Variants in DNER observed in about 807,000 individuals in gnomAD.
DNER encodes the protein delta and Notch-like epidermal growth factor-related receptor.
Under a neutral mutation model 78.2 loss-of-function variants are expected in DNER, and 33 were observed. The observed-to-expected ratio is 0.42, with a 90% CI of 0.32 to 0.56. The LOEUF (loss-of-function observed/expected upper bound fraction) is 0.56. DNER is among the 20% of genes least tolerant of loss of function. The pLI is 0.11. For synonymous variants in DNER, 417 were observed against 384.8 expected, an observed-to-expected ratio of 1.08 and a Z score of -0.98; for missense variants, 918 against 975.3, an observed-to-expected ratio of 0.94 and a Z score of 0.78.
At chr2:229,649,154 C>T (rs1367852819) in intron 1 of DNER, among the ~76,000 whole-genome samples, 1 of 152,238 alleles carries the variant, frequency 6.6e-6, no homozygotes, top group Non-Finnish European at 1.5e-5. Context: ...TTGGCGAGTA[C>T]TCTCGGCTCT....
intron 11 of DNER, among the ~76,000 whole-genome samples, chr2:229,377,892 T>C (rs1692643275): frequency 6.6e-6 from 1 of 152,152 alleles, no homozygotes; most frequent in Non-Finnish European, 1.5e-5. Context: ...ATCAATACAT[T>C]ATATGGCAAA....
chr2:229,367,080 G>T lies in DNER; in HGVS notation c.1895C>A (p.Thr632Asn), dbSNP rs776762113. ...WKSGHMAESL[T>N]NMPRHSLYII... ...GTAGAGGGAGTGCCGTGGCATGTTG[G>T]TGAGGCTCTCCGCCATGTGCCCGGA... is the stretch of plus-strand genomic sequence containing the variant. Residue 632 changes from threonine to asparagine, a missense_variant, in exon 12 of 13, where the codon ACC (threonine) becomes AAC (asparagine). Transcript: ENST00000341772. 1.2e-6 allele frequency: 2 copies of T among 1,614,128 alleles called. No homozygotes were observed. The highest frequency in any genetic ancestry group is 2.7e-5 in the African/African-American group (2 of 75,040).
intron 8 of DNER, among the ~76,000 whole-genome samples, chr2:229,421,601 T>G (rs1032485027): frequency 1.3e-5 from 2 of 149,776 alleles, no homozygotes; most frequent in South Asian, 2.1e-4. Context: ...AAAAAATATA[T>G]ATAGTGGTAA....
intron 1 of DNER, among the ~76,000 whole-genome samples, chr2:229,707,912 G>A (rs2154217837): frequency 6.6e-6 from 1 of 152,314 alleles, no homozygotes. Context: ...CAGGCACTGG[G>A]CTAGACACTT....
At chr2:229,568,921 A>G (rs1475889298) in intron 4 of DNER, among the ~76,000 whole-genome samples, 4 of 152,172 alleles carry the variant, frequency 2.6e-5, no homozygotes, top group Non-Finnish European at 4.4e-5. Flanking sequence ...CTTGTAAATG[A>G]CCTATGTGCA....
chr2:229,480,229 T>G (rs1415579106), intron 6 of DNER, among the ~76,000 whole-genome samples: 2 of 152,238 alleles, frequency 1.3e-5, no homozygotes, highest in Non-Finnish European at 2.9e-5. Context: ...CCAACCATTA[T>G]TAGCATTTTG....
intron 11 of DNER, among the ~76,000 whole-genome samples, chr2:229,376,786 T>A (rs1171853540): frequency 6.6e-6 from 1 of 152,148 alleles, no homozygotes; most frequent in Non-Finnish European, 1.5e-5. Flanking sequence ...TGTCTAACAG[T>A]AGTTACCTTT....
In DNER at chr2:229,714,249, A is replaced by G. The variant is rs933351262; in HGVS notation, c.175T>C (p.Cys59Arg). The G allele has an allele frequency of 1.7e-5, 24 of 1,418,388 alleles. No individual in the cohort carries two copies. The African/African-American group carries it at 3.1e-4, about 19-fold the overall frequency. 87.9% of individuals were successfully genotyped at this position (1,418,388 alleles called of 1,614,324 possible). A position where few individuals can be genotyped will look rare whatever the true frequency, so the allele number is the denominator to read the frequency against. ...AAQPCRNGGVCTSRPEPDPQH... is the reference protein window; with the variant it reads ...AAQPCRNGGVRTSRPEPDPQH... Reference sequence around the variant, plus strand: ...GGGTCCGGCTCAGGGCGCGAGGTGCACACACCCCCATTCCGGCAGGGCTGC... The same window carrying G: ...GGGTCCGGCTCAGGGCGCGAGGTGCGCACACCCCCATTCCGGCAGGGCTGC... The change falls in exon 1 of 13, where the codon TGC (cysteine) becomes CGC (arginine). Residue 59 changes from cysteine to arginine, a missense_variant. By Grantham distance (180) the Cys-to-Arg change is radical. Coordinates refer to ENST00000341772, the MANE Select transcript of DNER (RefSeq NM_139072.4).
intron 11 of DNER, among the ~76,000 whole-genome samples, chr2:229,379,613 A>AT (rs901674581): frequency 2.6e-5 from 4 of 152,164 alleles, no homozygotes; most frequent in African/African-American, 9.7e-5. Flanking sequence ...CATGAATCCC[A>AT]TTTTAAAGTT....
At chr2:229,526,877 C>G (rs1696221782) in intron 5 of DNER, among the ~76,000 whole-genome samples, 1 of 152,190 alleles carries the variant, frequency 6.6e-6, no homozygotes, top group East Asian at 1.9e-4. Context: ...TGAGCCAACA[C>G]AGATCCATCT....
intron 11 of DNER, among the ~76,000 whole-genome samples, chr2:229,379,317 GT>G (rs1264585830): frequency 6.9e-6 from 1 of 144,526 alleles, no homozygotes; most frequent in African/African-American, 2.5e-5. Flanking sequence ...TTTGCCTCAT[GT>G]AATCCTCACA....
intron 1 of DNER, among the ~76,000 whole-genome samples, chr2:229,708,696 A>G (rs1699865496): frequency 6.6e-6 from 1 of 152,222 alleles, no homozygotes; most frequent in African/African-American, 2.4e-5. Context: ...CATAAACAAA[A>G]CCATTTTTGA....
intron 11 of DNER, among the ~76,000 whole-genome samples, chr2:229,375,207 T>C (rs754858047): frequency 7.2e-5 from 11 of 152,230 alleles, no homozygotes; most frequent in Non-Finnish European, 1.5e-4. Flanking sequence ...CAGAGACTTT[T>C]AGTTGTTCAA....
chr2:229,586,159 G>A (rs1481015928), intron 3 of DNER, 135 bp from the exon 4 acceptor site: 8 of 1,086,986 alleles, frequency 7.4e-6, no homozygotes, highest in African/African-American at 1.6e-5. Flanking sequence ...GGCATAAACA[G>A]ATACGCGGGC....
intron 1 of DNER, among the ~76,000 whole-genome samples, chr2:229,656,099 A>G (rs898961563): frequency 6.6e-6 from 1 of 152,282 alleles, no homozygotes; most frequent in East Asian, 1.9e-4. Flanking sequence ...TAAGCCACCC[A>G]GCGTGTGATA....
intron 12 of DNER, among the ~76,000 whole-genome samples, chr2:229,361,807 C>T (rs948458078): frequency 2.7e-5 from 4 of 150,212 alleles, no homozygotes; most frequent in South Asian, 2.1e-4. Context: ...TTTTTTCAAT[C>T]GATAGTCTGT....
At chr2:229,630,734 C>A (rs1283121392) in intron 1 of DNER, among the ~76,000 whole-genome samples, 1 of 152,066 alleles carries the variant, frequency 6.6e-6, no homozygotes, top group Non-Finnish European at 1.5e-5. Flanking sequence ...TTGATCCCAT[C>A]ACCCAGGTAG....
chr2:229,369,251 A>G (rs1198272925), intron 11 of DNER, among the ~76,000 whole-genome samples: 1 of 151,816 alleles, frequency 6.6e-6, no homozygotes, highest in Non-Finnish European at 1.5e-5. Context: ...AAAGTTTAAA[A>G]AAAAAGTTTT....
intron 10 of DNER, among the ~76,000 whole-genome samples, chr2:229,404,121 G>A (rs933724552): frequency 6.6e-6 from 1 of 152,130 alleles, no homozygotes; most frequent in African/African-American, 2.4e-5. Flanking sequence ...GCATGGTGCT[G>A]ACTCTGCAAA....
Sources: gnomAD v4.1 joint callset for allele counts (sites outside exome capture counted in the v4.1 genomes callset) on GRCh38, gnomAD v4.1.1 for gene constraint, MANE v1.5 for transcripts, NCBI Gene and HGNC (gene_info 2026-07-23, HGNC 2026-07-21) for gene names.